COL10A1: variants seen among roughly 807,000 people sequenced by gnomAD.
COL10A1 encodes collagen alpha-1(X) chain.
In COL10A1, 10 loss-of-function variants were observed where a neutral mutation model predicts 18.2. That is an observed-to-expected ratio of 0.55 (90% CI 0.34 to 0.93). COL10A1 has a LOEUF of 0.93. Among genes scored for constraint, COL10A1 ranks in the 40% least tolerant of loss-of-function variants. The probability of loss-of-function intolerance (pLI) is 0.02; values close to 1 mark genes in which losing one functional copy is unlikely to be tolerated. For missense variants in COL10A1, 897 were observed against 853.5 expected, an observed-to-expected ratio of 1.05 and a Z score of -0.64; for synonymous variants, 330 against 316.6, an observed-to-expected ratio of 1.04 and a Z score of -0.45.
chr6:116,177,260 A>G, the COL10A1 span, among the ~76,000 whole-genome samples: 1 of 152,218 alleles, frequency 6.6e-6, no homozygotes, highest in African/African-American at 2.4e-5. Context: ...TTGACTGTTT[A>G]TAACATTCAT....
upstream of COL10A1, among the ~76,000 whole-genome samples, chr6:116,159,993 A>AT (rs1474297584): frequency 6.6e-6 from 1 of 151,948 alleles, no homozygotes; most frequent in Non-Finnish European, 1.5e-5. Flanking sequence ...TACATACCAC[A>AT]TTTTTTTTAT....
At position 116,119,818 on chromosome 6, in the gene COL10A1, A is replaced by C. The variant is rs1752369358; in HGVS notation, c.*255T>G. On this transcript the variant is annotated 3_prime_UTR_variant, in exon 3 of 3. Transcript: ENST00000651968. ...TTAACATAGCAGGACTTCTTTGGTG[A>C]TATTTTTTAATATTGGAGAAAACCT... 3 of 392,104 alleles carry C rather than the reference A, an allele frequency of 7.7e-6. No individual in the cohort carries two copies. Among genetic ancestry groups the C allele is most frequent in the Middle Eastern group, 6.8e-4 (1 of 1,462 alleles). The allele number at this position is 392,104 out of a possible 1,614,324, so 24.3% of individuals were successfully genotyped here.
At chr6:116,135,834 G>GTTATATATAT (rs1779577029) in intron 1 of COL10A1, among the ~76,000 whole-genome samples, 2 of 102,354 alleles carry the variant, frequency 2.0e-5, no homozygotes, top group Non-Finnish European at 4.0e-5. Context: ...TATATTTTCA[G>GTTATATATAT]ATATATATAT....
At chr6:116,141,691 A>G (rs1459823464) in intron 1 of COL10A1, among the ~76,000 whole-genome samples, 1 of 151,634 alleles carries the variant, frequency 6.6e-6, no homozygotes, top group Non-Finnish European at 1.5e-5. Flanking sequence ...TATATTCAAC[A>G]TTTGAATTCA....
chr6:116,136,173 G>GTGAGATCA, intron 1 of COL10A1, among the ~76,000 whole-genome samples: 1 of 152,172 alleles, frequency 6.6e-6, no homozygotes, highest in South Asian at 2.1e-4. Flanking sequence ...ACACGTATGA[G>GTGAGATCA]TGAGATCATG....
the COL10A1 span, among the ~76,000 whole-genome samples, chr6:116,187,142 A>G: frequency 6.6e-6 from 1 of 152,014 alleles, no homozygotes; most frequent in Non-Finnish European, 1.5e-5. Context: ...CTCTGAATCT[A>G]GCCACCCAGC....
intron 1 of COL10A1, among the ~76,000 whole-genome samples, chr6:116,144,647 C>T (rs917592098): frequency 2.0e-5 from 3 of 152,046 alleles, no homozygotes; most frequent in South Asian, 2.1e-4. Context: ...AGTTAGTAAA[C>T]GGACTCTTAG....
At chr6:116,168,130 A>G in the COL10A1 span, among the ~76,000 whole-genome samples, 7 of 136,518 alleles carry the variant, frequency 5.1e-5, no homozygotes, top group African/African-American at 1.4e-4. Flanking sequence ...CTTCTCAGAT[A>G]TTCACTTAAC....
chr6:116,166,889 T>A, the COL10A1 span, among the ~76,000 whole-genome samples: 1 of 152,142 alleles, frequency 6.6e-6, no homozygotes, highest in African/African-American at 2.4e-5. Context: ...TGAGAATAAT[T>A]TTTTGTTATT....
Position 116,121,015 on chromosome 6 carries a change from A to C in COL10A1, c.1101T>G (p.Ala367=). The C allele has an allele frequency of 3.1e-6, 5 of 1,613,824 alleles. No individual in the cohort carries two copies. The highest frequency in any genetic ancestry group is 3.4e-6 in the Non-Finnish European group (4 of 1,179,860). ...TAGCCCCAGGGTATCCTGCAGGCCC[A>C]GCTGGCCCTGTCTCACCTTTAGGGC... The part of the protein sequence containing the change: ...LPGPKGETGP[A]GPAGYPGAKG... Residue 367 remains alanine, a synonymous_variant, in exon 3 of 3, where the codon GCT becomes GCG. Coordinates refer to ENST00000651968, the MANE Select transcript of COL10A1 (RefSeq NM_000493.4).
At chr6:116,187,175 G>A in the COL10A1 span, among the ~76,000 whole-genome samples, 1 of 152,024 alleles carries the variant, frequency 6.6e-6, no homozygotes, top group African/African-American at 2.4e-5. Context: ...CTTTGATCTG[G>A]TACTGGGAAG....
the COL10A1 span, among the ~76,000 whole-genome samples, chr6:116,195,291 G>A: frequency 3.9e-5 from 6 of 151,964 alleles, no homozygotes; most frequent in Admixed American, 2.0e-4. Flanking sequence ...TCACAATTTC[G>A]CTATTAAAAT....
At chr6:116,181,440 A>G in the COL10A1 span, among the ~76,000 whole-genome samples, 2 of 152,118 alleles carry the variant, frequency 1.3e-5, no homozygotes, top group African/African-American at 4.8e-5. Flanking sequence ...GAAAAACCCA[A>G]TTAATAAAAC....
the COL10A1 span, among the ~76,000 whole-genome samples, chr6:116,216,363 G>A: frequency 6.7e-6 from 1 of 149,870 alleles, no homozygotes; most frequent in African/African-American, 2.5e-5. Context: ...CTTAATCCTG[G>A]TAGCACATTA....
At chr6:116,137,889 G>A (rs1472070229) in intron 1 of COL10A1, among the ~76,000 whole-genome samples, 1 of 152,092 alleles carries the variant, frequency 6.6e-6, no homozygotes, top group Non-Finnish European at 1.5e-5. Flanking sequence ...AGACCAGCCT[G>A]ACCAACATGG....
chr6:116,150,266 GT>G (rs201650607), intron 1 of COL10A1, among the ~76,000 whole-genome samples: 30 of 149,202 alleles, frequency 2.0e-4, no homozygotes, highest in African/African-American at 5.4e-4. Context: ...TAAGAAAATG[GT>G]TTTTTTTTTA....
In COL10A1 at chr6:116,120,893, G is replaced by A; in HGVS notation, c.1223C>T (p.Pro408Leu). ...TCCTCCAACTCCAGGATCACCTTTT[G>A]GACCTGGTAACCCTGGGTTACCCTT... is the stretch of plus-strand genomic sequence containing the variant. Reference protein sequence around the residue: ...GPKGNPGLPGPKGDPGVGGPP... With the variant: ...GPKGNPGLPGLKGDPGVGGPP... Residue 408 changes from proline to leucine, a missense_variant, in exon 3 of 3, where the codon CCA (proline) becomes CTA (leucine). Physicochemically the swap from Pro to Leu is moderately conservative, Grantham distance 98. Coordinates refer to ENST00000651968, the MANE Select transcript of COL10A1 (RefSeq NM_000493.4). 1 of 1,613,936 alleles carries A rather than the reference G, an allele frequency of 6.2e-7. No individual in the cohort carries two copies. Among genetic ancestry groups the A allele is most frequent in the Non-Finnish European group, 8.5e-7 (1 of 1,179,930 alleles).
At chr6:116,127,279 A>G (rs1779341785), upstream of COL10A1, among the ~76,000 whole-genome samples, 1 of 152,048 alleles carries the variant, frequency 6.6e-6, no homozygotes, top group Admixed American at 6.6e-5. Flanking sequence ...CCTTCAAGCA[A>G]TTTTCTGTAT....
chr6:116,176,372 A>G, the COL10A1 span, among the ~76,000 whole-genome samples: 1 of 152,116 alleles, frequency 6.6e-6, no homozygotes, highest in African/African-American at 2.4e-5. Context: ...TTGGGCCTGG[A>G]GGCAGGGTAT....
Sources: allele counts gnomAD v4.1 joint callset (sites outside exome capture counted in the v4.1 genomes callset), GRCh38; gene constraint gnomAD v4.1.1; transcripts MANE v1.5; gene names NCBI Gene and HGNC (gene_info 2026-07-23, HGNC 2026-07-21).